The following TFB2M variants were observed in gnomAD, a reference collection of about 807,000 sequenced individuals.
The protein encoded by TFB2M is dimethyladenosine transferase 2, mitochondrial.
A neutral mutation model predicts 41.3 loss-of-function variants in TFB2M; 44 were observed. That is an observed-to-expected ratio of 1.07 (90% CI 0.84 to 1.37). The LOEUF is 1.37. Ranked by LOEUF, TFB2M falls within the 40% of genes most tolerant of loss-of-function variation. The probability of loss-of-function intolerance (pLI) is 0.00; values close to 1 mark genes in which losing one functional copy is unlikely to be tolerated. For missense variants in TFB2M, 496 were observed against 490.2 expected (o/e 1.01, Z -0.11); for synonymous variants, 188 against 176.8 (o/e 1.06, Z -0.50).
Position 246,540,988 on chromosome 1 carries a change from T to C in TFB2M, c.*43A>G. ...CAAATTTGGTTTTCATGTCATAGTT[T>C]CCAAATAAATGAACCGCTCCACCAA... On this transcript the variant is annotated 3_prime_UTR_variant, in exon 8 of 8. Coordinates refer to ENST00000366514, the MANE Select transcript of TFB2M (RefSeq NM_022366.3). 6.4e-7 allele frequency: 1 copy of C among 1,562,550 alleles called. No individual in the cohort carries two copies. Among genetic ancestry groups the C allele is most frequent in the Non-Finnish European group, 8.6e-7 (1 of 1,156,190 alleles).
At position 246,566,046 on chromosome 1, in the gene TFB2M, C is replaced by G; in HGVS notation, c.93G>C (p.Ala31=). The change falls in exon 1 of 8, where the codon GCG becomes GCC. Residue 31 remains alanine, a synonymous_variant. Transcript: ENST00000366514. The part of the protein sequence containing the change: ...GRFCILGSEA[A]TRKHLPARNH... ...TCCTCGCCGGCAAATGCTTTCGCGT[C>G]GCCGCTTCAGACCCTAAAATGCAAA... The G allele has an allele frequency of 6.2e-7, 1 of 1,614,174 alleles. No homozygotes were observed. The highest frequency in any genetic ancestry group is 2.2e-5 in the East Asian group (1 of 44,882).
At chr1:246,544,759 C>T in intron 6 of TFB2M, 78 bp from the exon 7 acceptor site, 3 of 1,296,544 alleles carry the variant, frequency 2.3e-6, no homozygotes, top group South Asian at 1.5e-5. Flanking sequence ...TTCCTTCAAG[C>T]TATCTGCTGA....
chr1:246,550,018 G>A (rs540485919), intron 5 of TFB2M, among the ~76,000 whole-genome samples: 1 of 152,332 alleles, frequency 6.6e-6, no homozygotes, highest in African/African-American at 2.4e-5. Context: ...AGTGGAGCAA[G>A]TGCTGAGAAA....
chr1:246,551,485 G>A (rs1452286506), intron 4 of TFB2M, among the ~76,000 whole-genome samples, 183 bp from the exon 5 acceptor site: 1 of 152,242 alleles, frequency 6.6e-6, no homozygotes, highest in Non-Finnish European at 1.5e-5. Context: ...GAAAGGCTGA[G>A]GCAAGGGGAC....
intron 7 of TFB2M, among the ~76,000 whole-genome samples, 198 bp from the exon 8 acceptor site, chr1:246,541,400 T>C (rs115018351): frequency 0.022 from 3,151 of 142,100 alleles, 94 homozygotes; most frequent in African/African-American, 0.08. Flanking sequence ...GATAAAAAGC[T>C]ACCTACTGGG....
chr1:246,557,987 A>C (rs1437326711), intron 2 of TFB2M, among the ~76,000 whole-genome samples: 1 of 152,028 alleles, frequency 6.6e-6, no homozygotes. Flanking sequence ...TTTTTACAAA[A>C]AATATTTCTA....
intron 4 of TFB2M, 40 bp downstream of exon 4, chr1:246,556,532 AC>A: frequency 7.4e-7 from 1 of 1,346,718 alleles, no homozygotes. Context: ...GAGAAAAATT[AC>A]AGACTCAGAA....
chr1:246,549,682 G>C (rs1015879619), intron 5 of TFB2M, among the ~76,000 whole-genome samples: 1 of 152,088 alleles, frequency 6.6e-6, no homozygotes, highest in African/African-American at 2.4e-5. Flanking sequence ...GGTTAAAATA[G>C]ATCTGACATA....
Position 246,565,996 on chromosome 1 carries a change from G to A in TFB2M, c.143C>T (p.Ser48Phe), listed in dbSNP as rs148620105. Residue 48 changes from serine (S) to phenylalanine (F), a missense_variant, in exon 1 of 8, where the codon TCT (serine) becomes TTT (phenylalanine). Transcript: ENST00000366514. The part of the protein sequence containing the change: ...ARNHCGLSDS[S>F]PQLWPEPDFR... ...ATCCGGTTCGGGCCACAGCTGCGGA[G>A]AGGAGTCAGAGAGCCCACAGTGGTT... 3,383 of 1,614,224 alleles carry A rather than the reference G, an allele frequency of 2.1e-3. 16 individuals are homozygous for A. Among genetic ancestry groups the A allele is most frequent in the Non-Finnish European group, 2.2e-3 (2,607 of 1,180,046 alleles).
Position 246,566,110 on chromosome 1 carries a change from C to G in TFB2M, c.29G>C (p.Arg10Pro), listed in dbSNP as rs1004180834. 6 of 1,610,298 alleles carry G rather than the reference C, an allele frequency of 3.7e-6. No homozygotes were observed. In the African/African-American group the frequency reaches 6.7e-5, roughly 18 times the overall value. MWIPVVGLP[R>P]RLRLSALAGA... is the part of the protein sequence containing the mutation. ...CGCCAAGGCGGAGAGCCTCAGCCGC[C>G]GAGGAAGCCCGACCACTGGGATCCA... Residue 10 changes from arginine to proline, a missense_variant, in exon 1 of 8, where the codon CGG becomes CCG. By Grantham distance (103) the Arg-to-Pro change is moderately radical (BLOSUM62 -2). Transcript: ENST00000366514.
intron 2 of TFB2M, among the ~76,000 whole-genome samples, chr1:246,560,590 G>A (rs909314648): frequency 2.0e-5 from 3 of 152,206 alleles, no homozygotes; most frequent in Non-Finnish European, 4.4e-5. Flanking sequence ...TATGTTCTGA[G>A]AGGGCACCAT....
intron 2 of TFB2M, among the ~76,000 whole-genome samples, chr1:246,559,375 CCT>C (rs1659398605): frequency 6.6e-6 from 1 of 152,088 alleles, no homozygotes; most frequent in South Asian, 2.1e-4. Context: ...ATGGTGAAAC[CCT>C]GTCTCTACTA....
At chr1:246,559,708 G>C (rs961131716) in intron 2 of TFB2M, among the ~76,000 whole-genome samples, 6 of 152,186 alleles carry the variant, frequency 3.9e-5, no homozygotes, top group Non-Finnish European at 8.8e-5. Context: ...AGAGGTGCCA[G>C]GTAGGAAGTT....
intron 1 of TFB2M, 73 bp downstream of exon 1, chr1:246,565,753 A>C: frequency 6.8e-7 from 1 of 1,479,752 alleles, no homozygotes; most frequent in South Asian, 1.3e-5. Context: ...TATCTAAAAT[A>C]GCACCCCGAG....
Position 246,540,953 on chromosome 1 carries a change from TGTGA to T in TFB2M, c.*74_*77del, listed in dbSNP as rs1369125903. 167 of 1,402,538 alleles carry T rather than the reference TGTGA, an allele frequency of 1.2e-4. 1 individual carries two copies. The highest frequency in any genetic ancestry group is 1.5e-4 in the Non-Finnish European group (158 of 1,024,426). The allele number at this position is 1,402,538 out of a possible 1,614,324, so 86.9% of individuals were successfully genotyped here. A position where few individuals can be genotyped will look rare whatever the true frequency, so the allele number is the denominator to read the frequency against. On this transcript the variant is annotated 3_prime_UTR_variant, in exon 8 of 8. Coordinates refer to ENST00000366514, the MANE Select transcript of TFB2M (RefSeq NM_022366.3). Reference sequence around the variant, plus strand: ...GAACAGTTACCTTCTGCTGAAAGGATGTGAGTTTTCAAATTTGGTTTTCATGTCA... The same window carrying T: ...GAACAGTTACCTTCTGCTGAAAGGATGTTTTCAAATTTGGTTTTCATGTCA...
rs115756785 is a variant in TFB2M, at chr1:246,565,228, G to A, written c.313+598C>T. On this transcript the variant is annotated intron_variant, in intron 1 of 7. Transcript: ENST00000366514. ...TATGGTCTATAGGGAATGCACGGAA[G>A]AATAAGATAACATCATTTTTTCAGC... 7.1e-3 allele frequency among the ~76,000 whole-genome samples: 1,088 copies of A among 152,348 alleles called. 12 individuals carry two copies. The highest frequency in any genetic ancestry group is 0.025 in the African/African-American group (1,020 of 41,574).
At chr1:246,557,760 C>T (rs1220427798) in intron 2 of TFB2M, among the ~76,000 whole-genome samples, 2 of 152,104 alleles carry the variant, frequency 1.3e-5, no homozygotes, top group Non-Finnish European at 2.9e-5. Context: ...GCAACCTCTG[C>T]CTCCTGGGTT....
At chr1:246,561,571 G>A (rs1199625178) in intron 2 of TFB2M, among the ~76,000 whole-genome samples, 1 of 152,062 alleles carries the variant, frequency 6.6e-6, no homozygotes, top group African/African-American at 2.4e-5. Context: ...GGGTTCAAGT[G>A]ATTCTCCTGC....
At chr1:246,548,105 C>T (rs3129573) in intron 6 of TFB2M, among the ~76,000 whole-genome samples, 93,320 of 151,532 alleles carry the variant, frequency 0.62, 30,715 homozygotes, top group Middle Eastern at 0.78. Context: ...CGCCACCACA[C>T]CCAGCTAAGT....
Sources: gnomAD v4.1 joint callset for allele counts (sites outside exome capture counted in the v4.1 genomes callset) on GRCh38, gnomAD v4.1.1 for gene constraint, MANE v1.5 for transcripts, NCBI Gene and HGNC (gene_info 2026-07-23, HGNC 2026-07-21) for gene names.